DSCAM: variants seen among roughly 807,000 people sequenced by gnomAD.
DSCAM encodes the protein DS cell adhesion molecule.
A neutral mutation model predicts 217.7 loss-of-function variants in DSCAM; 47 were observed. The ratio of observed to expected loss-of-function variants is 0.22; its 90% CI spans 0.17 to 0.28. The LOEUF (loss-of-function observed/expected upper bound fraction) is 0.28, where lower values mean the gene tolerates loss of function less well. Among genes scored for constraint, DSCAM ranks in the 10% least tolerant of loss-of-function variants. The pLI is 1.00. For synonymous variants in DSCAM, 1,056 were observed against 1,015.3 expected, an observed-to-expected ratio of 1.04 and a Z score of -0.76; for missense variants, 2,080 against 2,618.3, an observed-to-expected ratio of 0.79 and a Z score of 4.49.
chr21:40,647,430 G>T (rs558018588), intron 3 of DSCAM, among the ~76,000 whole-genome samples: 1 of 152,260 alleles, frequency 6.6e-6, no homozygotes, highest in South Asian at 2.1e-4. Flanking sequence ...ATCAATCCCA[G>T]ACTAAGAATA....
chr21:40,541,338 A>C (rs1209948959), intron 3 of DSCAM, among the ~76,000 whole-genome samples: 1 of 152,202 alleles, frequency 6.6e-6, no homozygotes, highest in Non-Finnish European at 1.5e-5. Context: ...CCTATGTGGA[A>C]AGTAAGTTTA....
At chr21:40,595,886 G>A (rs189281551) in intron 3 of DSCAM, among the ~76,000 whole-genome samples, 3 of 152,326 alleles carry the variant, frequency 2.0e-5, no homozygotes, top group East Asian at 1.9e-4. Context: ...TGAATGAGAC[G>A]AAGTATCCTG....
intron 1 of DSCAM, among the ~76,000 whole-genome samples, chr21:40,816,181 T>C (rs1201057092): frequency 6.6e-6 from 1 of 152,208 alleles, no homozygotes; most frequent in Non-Finnish European, 1.5e-5. Flanking sequence ...CTATAAGTGC[T>C]GTACAAACGA....
intron 1 of DSCAM, among the ~76,000 whole-genome samples, chr21:40,758,449 G>A (rs1303939318): frequency 2.7e-5 from 4 of 149,370 alleles, no homozygotes; most frequent in Non-Finnish European, 5.9e-5. Context: ...CCCGGGAGAC[G>A]GAGCTTGCAG....
chr21:40,076,437 CA>C (rs1446346159), intron 26 of DSCAM, among the ~76,000 whole-genome samples: 2 of 152,184 alleles, frequency 1.3e-5, no homozygotes, highest in African/African-American at 2.4e-5. Flanking sequence ...CTCAAGATAA[CA>C]AAGTTCTTCA....
chr21:40,118,786 G>A (rs1402793928), intron 20 of DSCAM, among the ~76,000 whole-genome samples: 3 of 152,174 alleles, frequency 2.0e-5, no homozygotes, highest in South Asian at 2.1e-4. Context: ...CCCAGTCCGC[G>A]CTCCTGCACT....
chr21:40,084,008 TG>T lies in DSCAM; in HGVS notation c.4133-3del, dbSNP rs1231948539. On this transcript the variant is annotated splice_polypyrimidine_tract_variant and splice_region_variant and intron_variant, in intron 23 of 32. Coordinates refer to ENST00000400454, the MANE Select transcript of DSCAM (RefSeq NM_001389.5). ...TAAGCCGAGGCTGATCTGGTGGAAC[TG>T]GAGAGGAAACAGTTTTTAGAAAACA... 1 of 1,609,154 alleles carries T rather than the reference TG, an allele frequency of 6.2e-7. No homozygotes were observed. Among genetic ancestry groups the T allele is most frequent in the Non-Finnish European group, 8.5e-7 (1 of 1,178,258 alleles).
chr21:40,101,692 A>G (rs1365110420), intron 20 of DSCAM, among the ~76,000 whole-genome samples: 2 of 152,096 alleles, frequency 1.3e-5, no homozygotes, highest in South Asian at 2.1e-4. Context: ...GGACACACAC[A>G]TAAAATGTAA....
chr21:40,374,239 A>T (rs9976764), intron 3 of DSCAM, among the ~76,000 whole-genome samples: 33,593 of 152,158 alleles, frequency 0.22, 4,870 homozygotes, highest in Non-Finnish European at 0.3. Flanking sequence ...TTAAATTGGT[A>T]TCTATCCTAG....
At chr21:40,312,855 G>A (rs2074154306) in intron 8 of DSCAM, among the ~76,000 whole-genome samples, 2 of 152,166 alleles carry the variant, frequency 1.3e-5, no homozygotes, top group African/African-American at 2.4e-5. Context: ...GCTCACACCT[G>A]TAATCCCAGC....
At position 40,536,550 on chromosome 21, in the gene DSCAM, C is replaced by T. The variant is rs1003792242; in HGVS notation, c.508+156260G>A. On this transcript the variant is annotated intron_variant, in intron 3 of 32. Coordinates refer to ENST00000400454, the MANE Select transcript of DSCAM (RefSeq NM_001389.5). ...CCTAGTAGCTGGGACTACAGGCGCC[C>T]ACCACCACGCCTGGCTAATTTTTAT... Among the ~76,000 whole-genome samples the T allele has an allele frequency of 3.9e-5, 6 of 152,122 alleles. No individual in the cohort carries two copies. In the East Asian group the frequency reaches 5.8e-4, roughly 15 times the overall value.
chr21:40,073,722 C>T (rs1463982658), intron 27 of DSCAM, among the ~76,000 whole-genome samples: 3 of 152,158 alleles, frequency 2.0e-5, no homozygotes, highest in African/African-American at 4.8e-5. Flanking sequence ...TCACTGGTAG[C>T]TGCTTATGGG....
chr21:40,279,904 T>C (rs960651894), intron 10 of DSCAM, among the ~76,000 whole-genome samples: 42 of 152,070 alleles, frequency 2.8e-4, no homozygotes, highest in Non-Finnish European at 1.2e-4. Context: ...TAAGTAGGAA[T>C]TGAACAATGA....
chr21:40,817,872 G>A (rs934303080), intron 1 of DSCAM, among the ~76,000 whole-genome samples: 3 of 151,482 alleles, frequency 2.0e-5, no homozygotes, highest in Admixed American at 6.6e-5. Flanking sequence ...CGAGGCGGGT[G>A]GATCATGAGG....
intron 32 of DSCAM, among the ~76,000 whole-genome samples, chr21:40,032,827 C>G (rs1043204330): frequency 6.6e-6 from 1 of 152,270 alleles, no homozygotes; most frequent in East Asian, 1.9e-4. Flanking sequence ...GCATAGATCT[C>G]AAACCTTGTT....
At chr21:40,723,265 C>T (rs964714814) in intron 1 of DSCAM, among the ~76,000 whole-genome samples, 1 of 152,114 alleles carries the variant, frequency 6.6e-6, no homozygotes, top group African/African-American at 2.4e-5. Context: ...CCTCAGTGTC[C>T]TAGGTCCCCA....
At chr21:40,552,755 G>A (rs2076640548) in intron 3 of DSCAM, among the ~76,000 whole-genome samples, 1 of 152,152 alleles carries the variant, frequency 6.6e-6, no homozygotes, top group South Asian at 2.1e-4. Flanking sequence ...CAATGTTTAT[G>A]TATTTTCACC....
intron 3 of DSCAM, among the ~76,000 whole-genome samples, chr21:40,644,341 A>G (rs1433904781): frequency 2.0e-5 from 3 of 152,204 alleles, no homozygotes; most frequent in African/African-American, 4.8e-5. Flanking sequence ...CATCAGAGTG[A>G]GTGAAAATAG....
chr21:40,170,707 C>T (rs181887678), intron 15 of DSCAM, among the ~76,000 whole-genome samples: 6 of 152,268 alleles, frequency 3.9e-5, no homozygotes, highest in South Asian at 2.1e-4. Context: ...GAAAAGCACA[C>T]GGTTTTCCAT....
Sources: gnomAD v4.1 joint callset for allele counts (sites outside exome capture counted in the v4.1 genomes callset) on GRCh38, gnomAD v4.1.1 for gene constraint, MANE v1.5 for transcripts, NCBI Gene and HGNC (gene_info 2026-07-23, HGNC 2026-07-21) for gene names.